IRAG2: variants seen among roughly 807,000 people sequenced by gnomAD.
IRAG2 encodes the protein lymphoid restricted membrane protein.
A neutral mutation model predicts 69.9 loss-of-function variants in IRAG2; 45 were observed. The observed-to-expected ratio is 0.64, with a 90% CI of 0.51 to 0.83. The LOEUF (loss-of-function observed/expected upper bound fraction) is 0.83. IRAG2 is among the 40% of genes least tolerant of loss of function. The pLI, the probability that IRAG2 is intolerant of heterozygous loss-of-function variation, is 0.00. For missense variants in IRAG2, 520 were observed against 587.0 expected (o/e 0.89, Z 1.18); for synonymous variants, 193 against 202.4 (o/e 0.95, Z 0.40).
intron 3 of IRAG2, among the ~76,000 whole-genome samples, chr12:25,013,411 G>A (rs1288605223): frequency 6.6e-6 from 1 of 152,198 alleles, no homozygotes; most frequent in African/African-American, 2.4e-5. Flanking sequence ...CCAGGAGTTT[G>A]AGGCTGCAGT....
intron 2 of IRAG2, among the ~76,000 whole-genome samples, chr12:25,007,613 C>T (rs1944442339): frequency 6.6e-6 from 1 of 152,170 alleles, no homozygotes; most frequent in Non-Finnish European, 1.5e-5. Flanking sequence ...CCTCTGCCAC[C>T]CGGGTTCAAG....
intron 3 of IRAG2, among the ~76,000 whole-genome samples, chr12:25,012,324 C>G (rs1022240328): frequency 6.6e-6 from 1 of 151,146 alleles, no homozygotes; most frequent in African/African-American, 2.4e-5. Context: ...CCGGCTAATG[C>G]TTGTATTTTT....
chr12:25,106,898 ATAT>A, intron 20 of IRAG2, 42 bp from the exon 21 acceptor site: 1 of 878,042 alleles, frequency 1.1e-6, no homozygotes, highest in Non-Finnish European at 1.8e-6. Flanking sequence ...TAATTATAGC[ATAT>A]TATCCTTAGT....
chr12:25,074,450 G>A (rs972901939), intron 6 of IRAG2, among the ~76,000 whole-genome samples: 11 of 152,090 alleles, frequency 7.2e-5, no homozygotes, highest in African/African-American at 2.4e-4. Context: ...TTAACCTCTC[G>A]AGAAATTGTG....
At chr12:25,019,860 TACCTACTGTAGA>T (rs1944563844) in intron 6 of IRAG2, among the ~76,000 whole-genome samples, 1 of 152,200 alleles carries the variant, frequency 6.6e-6, no homozygotes, top group Non-Finnish European at 1.5e-5. Flanking sequence ...CTTAGTAGAA[TACCTACTGTAGA>T]ACAGCACTAC....
chr12:25,002,649 C>CTTTTTTTT (rs374969962), upstream of IRAG2, among the ~76,000 whole-genome samples: 2 of 145,474 alleles, frequency 1.4e-5, no homozygotes, highest in African/African-American at 2.5e-5. Flanking sequence ...TTCTTCTTTT[C>CTTTTTTTT]TTTTTTTTTT....
At chr12:25,008,963 T>C (rs1944453224) in intron 2 of IRAG2, among the ~76,000 whole-genome samples, 1 of 152,214 alleles carries the variant, frequency 6.6e-6, no homozygotes, top group South Asian at 2.1e-4. Context: ...TGATGTAACA[T>C]GTTTAACCAA....
intron 3 of IRAG2, chr12:25,011,605 A>G: frequency 9.4e-7 from 1 of 1,059,832 alleles, no homozygotes; most frequent in Non-Finnish European, 1.2e-6. Flanking sequence ...ACAACTGATT[A>G]TAATTATGCT....
chr12:25,024,203 G>C (rs1043232895), intron 8 of IRAG2, among the ~76,000 whole-genome samples: 8 of 152,150 alleles, frequency 5.3e-5, no homozygotes, highest in African/African-American at 1.9e-4. Context: ...AATCAAGAAG[G>C]AAAGTATGGA....
chr12:25,006,142 A>G (rs984320304), intron 2 of IRAG2: 2 of 152,236 alleles, frequency 1.3e-5, no homozygotes, highest in African/African-American at 4.8e-5. Context: ...ATCATTACTA[A>G]TTATTAGAGA....
intron 6 of IRAG2, among the ~76,000 whole-genome samples, chr12:25,077,274 TGAA>T (rs1592021262): frequency 2.1e-4 from 6 of 29,058 alleles, no homozygotes; most frequent in African/African-American, 3.5e-4. Flanking sequence ...GAAATATATA[TGAA>T]ATATATATGA....
intron 6 of IRAG2, among the ~76,000 whole-genome samples, chr12:25,020,413 T>G (rs1193682390): frequency 6.6e-6 from 1 of 152,240 alleles, no homozygotes; most frequent in Non-Finnish European, 1.5e-5. Context: ...TAGCCTGCAT[T>G]GTAGAGCACC....
At chr12:25,097,644 T>G (rs1214476769) in intron 15 of IRAG2, 1 of 152,262 alleles carries the variant, frequency 6.6e-6, no homozygotes, top group Non-Finnish European at 1.5e-5. Context: ...AAAATATATT[T>G]TCTTAAGGAG....
intron 9 of IRAG2, among the ~76,000 whole-genome samples, chr12:25,028,584 A>G (rs1245839425): frequency 1.3e-5 from 2 of 152,180 alleles, no homozygotes; most frequent in African/African-American, 4.8e-5. Context: ...TTTTGTCTAG[A>G]TAGTGTCTAA....
intron 19 of IRAG2, 82 bp downstream of exon 19, chr12:25,104,140 G>A (rs2140254568): frequency 8.7e-7 from 1 of 1,145,474 alleles, no homozygotes; most frequent in Non-Finnish European, 1.3e-6. Context: ...CAAATTAAGT[G>A]ATATAGTAAT....
At chr12:25,094,698 A>G (rs60255473) in intron 14 of IRAG2, among the ~76,000 whole-genome samples, 1 of 148,958 alleles carries the variant, frequency 6.7e-6, no homozygotes, top group African/African-American at 2.5e-5. Context: ...CTACCAACCC[A>G]TGAACACAGG....
At chr12:25,067,635 T>C (rs1946069931) in intron 5 of IRAG2, among the ~76,000 whole-genome samples, 1 of 152,168 alleles carries the variant, frequency 6.6e-6, no homozygotes, top group African/African-American at 2.4e-5. Flanking sequence ...TTTATCCACT[T>C]ACTACAAAGT....
At chr12:25,040,426 C>T (rs545411224) in intron 16 of IRAG2, among the ~76,000 whole-genome samples, 21 of 151,670 alleles carry the variant, frequency 1.4e-4, no homozygotes, top group African/African-American at 5.1e-4. Flanking sequence ...AGGATTGAGC[C>T]CAGGAGTTTG....
At chr12:25,012,444 C>T (rs1325686602) in intron 3 of IRAG2, among the ~76,000 whole-genome samples, 2 of 151,946 alleles carry the variant, frequency 1.3e-5, no homozygotes, top group African/African-American at 4.8e-5. Flanking sequence ...TGTGAGCCAC[C>T]CACTGCACCT....
Sources: allele counts gnomAD v4.1 joint callset (sites outside exome capture counted in the v4.1 genomes callset), GRCh38; gene constraint gnomAD v4.1.1; transcripts MANE v1.5; gene names NCBI Gene and HGNC (gene_info 2026-07-23, HGNC 2026-07-21).